Variants in MICALL2 observed in about 807,000 individuals in gnomAD.
MICALL2 encodes MICAL like 2, also known as MICAL-like protein 2.
A neutral mutation model predicts 91.1 loss-of-function variants in MICALL2; 111 were observed. That is an observed-to-expected ratio of 1.22 (90% confidence interval 1.04 to 1.43). MICALL2 has a LOEUF of 1.43. Ranked by LOEUF, MICALL2 falls within the 40% of genes most tolerant of loss-of-function variation. The probability of loss-of-function intolerance (pLI) is 0.00; values close to 1 mark genes in which losing one functional copy is unlikely to be tolerated. For synonymous variants in MICALL2, 694 were observed against 525.3 expected (o/e 1.32, Z -4.39); for missense variants, 1,556 against 1,236.0 (o/e 1.26, Z -3.88).
At chr7:1,442,688 G>A (rs577012471) in intron 6 of MICALL2, among the ~76,000 whole-genome samples, 93 of 139,484 alleles carry the variant, frequency 6.7e-4, no homozygotes, top group Middle Eastern at 3.6e-3. Flanking sequence ...GCACCAGGCT[G>A]CCCCTCTGCC....
Position 1,442,405 on chromosome 7 carries a change from A to G in MICALL2, c.1498T>C (p.Leu500=), listed in dbSNP as rs1780340351. 6.3e-7 allele frequency: 1 copy of G among 1,598,346 alleles called. No homozygotes were observed. The highest frequency in any genetic ancestry group is 8.5e-7 in the Non-Finnish European group (1 of 1,171,252). The change falls in exon 7 of 17, where the codon TTA becomes CTA. Residue 500 remains leucine (L), a synonymous_variant. Coordinates refer to ENST00000297508, the MANE Select transcript of MICALL2 (RefSeq NM_182924.4). ...APQASPLAKP[L]QSSSPRVLGL... is the part of the protein sequence containing the mutation. ...AGCACCCGGGGAGACGAGGACTGTA[A>G]CGGCTTGGCTAAGGGACTTGCTTGT... is the stretch of plus-strand genomic sequence containing the variant.
At position 1,451,910 on chromosome 7, in the gene MICALL2, G is replaced by A. The variant is rs35044503; in HGVS notation, c.144-1622C>T. Among the ~76,000 whole-genome samples, 83 of 152,314 alleles carry A rather than the reference G, an allele frequency of 5.4e-4. No homozygotes were observed. The highest frequency in any genetic ancestry group is 9.6e-4 in the Non-Finnish European group (65 of 68,030). ...CCCCCATAAGAATGCTCCGAGGCCC[G>A]GACAGTGAGCCCATTTCACCTGTTT... On this transcript the variant is annotated intron_variant, in intron 1 of 16. Coordinates refer to ENST00000297508, the MANE Select transcript of MICALL2 (RefSeq NM_182924.4). This position sits in a 1 kb window ranked among gnomAD's most constrained non-coding sequence, Gnocchi z 4.5.
Position 1,450,325 on chromosome 7 carries a change from A to G in MICALL2, c.144-37T>C, listed in dbSNP as rs201231817. On this transcript the variant is annotated intron_variant, in intron 1 of 16. Transcript: ENST00000297508. ...AAACATGATGTCCAAAGCAGCTCAG[A>G]GTCCACGAAGGGAGGGGCTGGAGGG... The G allele has an allele frequency of 1.9e-3, 3,082 of 1,592,694 alleles. 12 individuals are homozygous for G. Among genetic ancestry groups the G allele is most frequent in the Middle Eastern group, 0.012 (72 of 6,038 alleles).
chr7:1,448,153 G>T, intron 3 of MICALL2: 1 of 239,340 alleles, frequency 4.2e-6, no homozygotes, highest in Admixed American at 5.0e-5. Flanking sequence ...CTATCCGGGG[G>T]CCCCACCCTG....
At chr7:1,436,547 G>C (rs1267777300) in intron 15 of MICALL2, among the ~76,000 whole-genome samples, 195 bp downstream of exon 15, 1 of 81,618 alleles carries the variant, frequency 1.2e-5, no homozygotes, top group Non-Finnish European at 2.2e-5. Flanking sequence ...GCAAGACTCT[G>C]TCTCAAAAAA....
Position 1,440,034 on chromosome 7 carries a change from C to G in MICALL2, c.1857G>C (p.Glu619Asp). 6.3e-7 allele frequency: 1 copy of G among 1,576,888 alleles called. No individual in the cohort carries two copies. Among genetic ancestry groups the G allele is most frequent in the East Asian group, 2.4e-5 (1 of 41,746 alleles). The stretch of plus-strand genomic sequence containing the variant: ...AGCTGCCTGAGACCTTCCTGGGGGC[C>G]TCCCCCGCCCTCGGCTCTGCCAGGG... ...PRALAEPRAGEAPRKVSGSFA... is the reference protein window; with the variant it reads ...PRALAEPRAGDAPRKVSGSFA... The change falls in exon 9 of 17, where the codon GAG becomes GAC. Residue 619 changes from glutamate (E) to aspartate (D), a missense_variant. Coordinates refer to ENST00000297508, the MANE Select transcript of MICALL2 (RefSeq NM_182924.4).
At chr7:1,440,444 T>C in intron 8 of MICALL2, 147 bp downstream of exon 8, 1 of 740,632 alleles carries the variant, frequency 1.4e-6, no homozygotes, top group Non-Finnish European at 2.3e-6. Flanking sequence ...CCCATGTCCC[T>C]CAGGCAGGGG....
chr7:1,442,498 C>T lies in MICALL2; in HGVS notation c.1419-14G>A, dbSNP rs4457225. The T allele has an allele frequency of 3.8e-4, 579 of 1,519,208 alleles. 2 individuals carry two copies. The highest frequency in any genetic ancestry group is 3.7e-3 in the East Asian group (161 of 43,934). 94.1% of individuals were successfully genotyped at this position (1,519,208 alleles called of 1,614,324 possible). On this transcript the variant is annotated splice_polypyrimidine_tract_variant and intron_variant, in intron 6 of 16. Coordinates refer to ENST00000297508, the MANE Select transcript of MICALL2 (RefSeq NM_182924.4). Reference sequence around the variant, plus strand: ...GCTGGGGAGGGCCTATAAGTAAAAGCGCAGGCATCAGGCACAGCTGGATCC... The same window carrying T: ...GCTGGGGAGGGCCTATAAGTAAAAGTGCAGGCATCAGGCACAGCTGGATCC...
Position 1,434,537 on chromosome 7 carries a change from T to C in MICALL2, c.*59A>G, listed in dbSNP as rs1327382244. ...GGGTTCCGGGTCCGGGCCAAGCCCATGGCCCCGAGTCCAAGTCCGGATGCC... is the reference window on the plus strand; with the variant it reads ...GGGTTCCGGGTCCGGGCCAAGCCCACGGCCCCGAGTCCAAGTCCGGATGCC... On this transcript the variant is annotated 3_prime_UTR_variant, in exon 17 of 17. Coordinates refer to ENST00000297508, the MANE Select transcript of MICALL2 (RefSeq NM_182924.4). 4.8e-6 allele frequency: 7 copies of C among 1,451,066 alleles called. No individual in the cohort carries two copies. The highest frequency in any genetic ancestry group is 3.4e-5 in the Admixed American group (2 of 59,578). The allele number at this position is 1,451,066 out of a possible 1,614,324, so 89.9% of individuals were successfully genotyped here. A position where few individuals can be genotyped will look rare whatever the true frequency, so the allele number is the denominator to read the frequency against.
chr7:1,438,614 C>T, intron 10 of MICALL2: 1 of 1,420,350 alleles, frequency 7.0e-7, no homozygotes, highest in Non-Finnish European at 9.2e-7. Context: ...CTGCCAGAAG[C>T]AGACATTCCA....
chr7:1,444,300 C>A (rs1210850696), intron 6 of MICALL2, among the ~76,000 whole-genome samples: 1 of 151,736 alleles, frequency 6.6e-6, no homozygotes, highest in South Asian at 2.1e-4. Flanking sequence ...CAGCGTGGGT[C>A]CCGCTCGCGA....
rs1024879080 is a variant in MICALL2, at chr7:1,447,499, G to A, written c.525+76C>T. The A allele has an allele frequency of 6.4e-5, 58 of 899,870 alleles. No individual in the cohort carries two copies. In the Middle Eastern group the frequency reaches 2.5e-3, roughly 38 times the overall value. The allele number at this position is 899,870 out of a possible 1,614,324, so 55.7% of individuals were successfully genotyped here. ...GGGTCCCGTGGCTTAGGGGCCGCACGTAGTCCCACAAGCCCCTTCTGCACC... is the reference window on the plus strand; with the variant it reads ...GGGTCCCGTGGCTTAGGGGCCGCACATAGTCCCACAAGCCCCTTCTGCACC... On this transcript the variant is annotated intron_variant, in intron 4 of 16. Coordinates refer to ENST00000297508, the MANE Select transcript of MICALL2 (RefSeq NM_182924.4).
chr7:1,447,540 C>T, intron 4 of MICALL2, 35 bp downstream of exon 4: 1 of 1,338,838 alleles, frequency 7.5e-7, no homozygotes, highest in Non-Finnish European at 1.0e-6. Flanking sequence ...GTGGAAAACC[C>T]AGAGAACCAG....
intron 6 of MICALL2, among the ~76,000 whole-genome samples, chr7:1,443,408 G>C (rs568862718): frequency 6.6e-6 from 1 of 152,106 alleles, no homozygotes; most frequent in Admixed American, 6.5e-5. Context: ...CCCACGATAC[G>C]GGGCAGGAAA....
In MICALL2 at chr7:1,438,187, G is replaced by A. The variant is rs1475678989; in HGVS notation, c.2221C>T (p.Gln741Ter). The stretch of plus-strand genomic sequence containing the variant: ...CTCTCGATGTCCTGCAGCTGCCTCT[G>A]TATCTCCTCCGGGGAGAGGTAGTCG... ...HPDYLSPEEI[Q>*]RQLQDIERRL... The change falls in exon 12 of 17, where the codon CAG becomes TAG. Residue 741 changes from glutamine to a stop codon, truncating the protein, a stop_gained. Coordinates refer to ENST00000297508, the MANE Select transcript of MICALL2 (RefSeq NM_182924.4). LOFTEE classifies it high-confidence loss of function. The A allele has an allele frequency of 3.2e-6, 5 of 1,576,588 alleles. No homozygotes were observed. The highest frequency in any genetic ancestry group is 4.3e-6 in the Non-Finnish European group (5 of 1,161,060).
At chr7:1,438,075 A>G (rs1469321416) in intron 12 of MICALL2, 22 bp downstream of exon 12, 6 of 1,570,428 alleles carry the variant, frequency 3.8e-6, no homozygotes, top group Non-Finnish European at 3.4e-6. Flanking sequence ...GGGCTGGCCC[A>G]GGGCCAGGCC....
Position 1,448,775 on chromosome 7 carries a change from G to A in MICALL2, c.193-14C>T, listed in dbSNP as rs765587382. 1.9e-6 allele frequency: 3 copies of A among 1,611,984 alleles called. No individual in the cohort carries two copies. The highest frequency in any genetic ancestry group is 2.2e-5 in the South Asian group (2 of 91,022). On this transcript the variant is annotated splice_polypyrimidine_tract_variant and intron_variant, in intron 2 of 16. Coordinates refer to ENST00000297508, the MANE Select transcript of MICALL2 (RefSeq NM_182924.4). The stretch of plus-strand genomic sequence containing the variant: ...CACGCGGAAGGCCTGCGAAAGGTGG[G>A]AGGGGGTCAGCGGGGCAGCTGGGAG...
intron 9 of MICALL2, 112 bp downstream of exon 9, chr7:1,439,813 G>A (rs112209154): frequency 0.068 from 59,473 of 869,542 alleles, 2,450 homozygotes; most frequent in Middle Eastern, 0.11. Flanking sequence ...TGACCGGAGC[G>A]CCTCTCCGCA....
chr7:1,440,457 A>T, intron 8 of MICALL2, 134 bp downstream of exon 8: 1 of 798,208 alleles, frequency 1.3e-6, no homozygotes, highest in Non-Finnish European at 2.1e-6. Flanking sequence ...GGCAGGGGTG[A>T]CCTGGCCTCT....
Sources: allele counts gnomAD v4.1 joint callset (sites outside exome capture counted in the v4.1 genomes callset), GRCh38; gene constraint gnomAD v4.1.1; non-coding constraint Gnocchi (gnomAD v3.1); transcripts MANE v1.5; gene names NCBI Gene and HGNC (gene_info 2026-07-23, HGNC 2026-07-21).